HDAC9: variants seen among roughly 807,000 people sequenced by gnomAD.
The protein encoded by HDAC9 is histone deacetylase 9, also known as MEF-2 interacting transcription repressor (MITR) protein.
A neutral mutation model predicts 139.4 loss-of-function variants in HDAC9; 41 were observed. That is an observed-to-expected ratio of 0.29 (90% CI 0.23 to 0.38). The LOEUF (loss-of-function observed/expected upper bound fraction) is 0.38. Ranked by LOEUF, HDAC9 falls within the 10% of genes least tolerant of loss-of-function variation. HDAC9 has a pLI of 1.00. For missense variants in HDAC9, 1,147 were observed against 1,297.0 expected (o/e 0.88, Z 1.78); for synonymous variants, 517 against 476.2 (o/e 1.09, Z -1.12).
At chr7:18,622,963 G>T (rs960209499) in intron 6 of HDAC9, among the ~76,000 whole-genome samples, 2 of 151,786 alleles carry the variant, frequency 1.3e-5, no homozygotes, top group Admixed American at 1.3e-4. Context: ...GGACAATGTG[G>T]CAAAACCCCA....
chr7:18,345,948 C>T (rs1782385548), intron 1 of HDAC9, among the ~76,000 whole-genome samples: 1 of 151,970 alleles, frequency 6.6e-6, no homozygotes, highest in African/African-American at 2.4e-5. Flanking sequence ...ATTTATGTTC[C>T]AAACACAGCA....
chr7:18,848,509 G>A (rs1452734368), intron 21 of HDAC9, among the ~76,000 whole-genome samples: 1 of 151,816 alleles, frequency 6.6e-6, no homozygotes, highest in Admixed American at 6.6e-5. Context: ...CACACACCGA[G>A]GCAAGGCTAT....
At chr7:18,598,194 A>G (rs569788223) in intron 6 of HDAC9, among the ~76,000 whole-genome samples, 6 of 152,272 alleles carry the variant, frequency 3.9e-5, no homozygotes, top group African/African-American at 1.4e-4. Context: ...AATTGCATAC[A>G]TGAACATTAT....
intron 2 of HDAC9, among the ~76,000 whole-genome samples, chr7:18,221,370 G>T (rs1446755540): frequency 1.3e-5 from 2 of 152,134 alleles, no homozygotes; most frequent in Non-Finnish European, 2.9e-5. Context: ...CTCGCAAAGT[G>T]CTGGGATTAC....
intron 2 of HDAC9, among the ~76,000 whole-genome samples, chr7:18,263,129 A>C (rs1295398059): frequency 6.6e-6 from 1 of 152,198 alleles, no homozygotes; most frequent in Non-Finnish European, 1.5e-5. Flanking sequence ...AGATTCAGAG[A>C]CACAAATTAG....
At position 18,814,583 on chromosome 7, in the gene HDAC9, A is replaced by G. The variant is rs367655962; in HGVS notation, c.2323-14578A>G. On this transcript the variant is annotated intron_variant, in intron 17 of 25. Coordinates refer to ENST00000686413, the MANE Select transcript of HDAC9 (RefSeq NM_178425.4). The stretch of plus-strand genomic sequence containing the variant: ...GGCAGCAAATTTCATTCACATGTGC[A>G]TGCTCACCCCCCACCCCAACTTGCT... Among the ~76,000 whole-genome samples, 15 of 152,196 alleles carry G rather than the reference A, an allele frequency of 9.9e-5. No individual in the cohort carries two copies. In the East Asian group the frequency reaches 2.3e-3, roughly 24 times the overall value.
At chr7:18,842,026 A>G (rs1370625030) in intron 21 of HDAC9, among the ~76,000 whole-genome samples, 3 of 152,150 alleles carry the variant, frequency 2.0e-5, no homozygotes. Context: ...ATATATAGTG[A>G]AAAATGAACA....
chr7:18,658,082 A>G (rs979244540), intron 11 of HDAC9, among the ~76,000 whole-genome samples: 66 of 152,078 alleles, frequency 4.3e-4, no homozygotes, highest in African/African-American at 1.5e-3. Context: ...CTCAAACCTT[A>G]CCTGTTGAGA....
chr7:18,096,134 A>G (rs943680494), intron 1 of HDAC9, among the ~76,000 whole-genome samples: 6 of 152,178 alleles, frequency 3.9e-5, no homozygotes, highest in Non-Finnish European at 7.4e-5. Flanking sequence ...TCAAATCTGT[A>G]AGCTGTATTC....
chr7:18,601,351 T>A (rs1049969570), intron 6 of HDAC9, among the ~76,000 whole-genome samples: 49 of 152,330 alleles, frequency 3.2e-4, no homozygotes, highest in African/African-American at 1.1e-3. Flanking sequence ...GCTTATTCAT[T>A]GCCAGAGTTG....
At chr7:18,583,780 TCAGTTAA>T (rs1194810963) in intron 2 of HDAC9, among the ~76,000 whole-genome samples, 2 of 152,126 alleles carry the variant, frequency 1.3e-5, no homozygotes, top group African/African-American at 4.8e-5. Flanking sequence ...AGTTTAATTT[TCAGTTAA>T]CAGTTATTTC....
At chr7:18,831,618 T>C (rs1480716344) in intron 19 of HDAC9, among the ~76,000 whole-genome samples, 1 of 152,142 alleles carries the variant, frequency 6.6e-6, no homozygotes, top group African/African-American at 2.4e-5. Context: ...ATATTCTTAC[T>C]TTCAAGTCTT....
chr7:18,857,955 G>A (rs1797813955), intron 21 of HDAC9, among the ~76,000 whole-genome samples: 1 of 152,082 alleles, frequency 6.6e-6, no homozygotes, highest in Non-Finnish European at 1.5e-5. Context: ...GTACAGTACT[G>A]ATGTACTAAT....
rs183149367 is a variant in HDAC9, at chr7:18,405,200, T to C, written c.-41-91062T>C. On this transcript the variant is annotated intron_variant, in intron 1 of 3. Transcript: ENST00000413509. ...ACATTATTTGAGGACATGCTGTACA[T>C]AGACAGCTTCATTTGGAAATGAAAA... Among the ~76,000 whole-genome samples, 500 of 152,340 alleles carry C rather than the reference T, an allele frequency of 3.3e-3. 4 individuals are homozygous for C. The highest frequency in any genetic ancestry group is 0.02 in the Middle Eastern group (6 of 294).
intron 1 of HDAC9, among the ~76,000 whole-genome samples, chr7:18,344,608 A>G (rs1388633512): frequency 6.6e-6 from 1 of 151,998 alleles, no homozygotes; most frequent in East Asian, 1.9e-4. Context: ...ATCCCAAATT[A>G]CCATTGTAAA....
At chr7:18,599,786 C>T (rs146839569) in intron 6 of HDAC9, among the ~76,000 whole-genome samples, 184 of 152,194 alleles carry the variant, frequency 1.2e-3, no homozygotes, top group Non-Finnish European at 4.4e-4. Context: ...GTTTTCAGCT[C>T]AATTGGGTAA....
intron 1 of HDAC9, among the ~76,000 whole-genome samples, chr7:18,451,401 G>A (rs12536199): frequency 0.018 from 2,372 of 135,190 alleles, 25 homozygotes; most frequent in African/African-American, 0.036. Context: ...GTGTGTGTGT[G>A]TATATATGTG....
chr7:18,904,397 A>T (rs1233980371), intron 22 of HDAC9, among the ~76,000 whole-genome samples: 3 of 152,060 alleles, frequency 2.0e-5, no homozygotes, highest in African/African-American at 7.3e-5. Context: ...GTGACATAAG[A>T]TGTGCTCTCA....
intron 22 of HDAC9, among the ~76,000 whole-genome samples, chr7:18,917,122 T>C (rs1316221160): frequency 2.0e-5 from 3 of 152,058 alleles, no homozygotes; most frequent in African/African-American, 7.2e-5. Context: ...AAACATGAGC[T>C]GAAATGCTTT....
Sources: allele counts gnomAD v4.1 joint callset (sites outside exome capture counted in the v4.1 genomes callset), GRCh38; gene constraint gnomAD v4.1.1; transcripts MANE v1.5; gene names NCBI Gene and HGNC (gene_info 2026-07-23, HGNC 2026-07-21).